The following CEP83 variants were observed in gnomAD, a reference collection of about 807,000 sequenced individuals.
The protein encoded by CEP83 is centrosomal protein 83.
CEP83 carries 70 observed loss-of-function variants against 101.9 expected under a neutral mutation model. The ratio of observed to expected loss-of-function variants is 0.69; its 90% CI spans 0.57 to 0.84. The LOEUF (loss-of-function observed/expected upper bound fraction) is 0.84, where lower values mean the gene tolerates loss of function less well. Among genes scored for constraint, CEP83 ranks in the 40% least tolerant of loss-of-function variants. The pLI is 0.00. For synonymous variants in CEP83, 264 were observed against 267.9 expected, an observed-to-expected ratio of 0.99 and a Z score of 0.14; for missense variants, 715 against 787.2, an observed-to-expected ratio of 0.91 and a Z score of 1.10.
At chr12:94,279,759 A>G in the CEP83 span, 2 of 962,004 alleles carry the variant, frequency 2.1e-6, no homozygotes, top group Non-Finnish European at 3.3e-6. Context: ...ATTCAGTGAC[A>G]CTTACACAGC....
chr12:94,292,790 C>T, the CEP83 span, among the ~76,000 whole-genome samples: 1 of 152,154 alleles, frequency 6.6e-6, no homozygotes, highest in Non-Finnish European at 1.5e-5. Context: ...GCCGAATTTT[C>T]CACTTGTGGC....
At chr12:94,266,584 C>T in the CEP83 span, among the ~76,000 whole-genome samples, 1 of 152,188 alleles carries the variant, frequency 6.6e-6, no homozygotes, top group African/African-American at 2.4e-5. Flanking sequence ...TGCTGCTTAA[C>T]AACTGTTGGT....
Position 94,335,785 on chromosome 12 carries a change from T to C in CEP83, c.1344-121A>G, listed in dbSNP as rs2059422016. ...ACCAGAGCACAAACACAACCAAAGA[T>C]TGAGACTTCAAGAAACTAGGTTGTG... On this transcript the variant is annotated intron_variant, in intron 11 of 16. Transcript: ENST00000397809. 15 of 672,840 alleles carry C rather than the reference T, an allele frequency of 2.2e-5. No homozygotes were observed. In the South Asian group the frequency reaches 2.5e-4, roughly 11 times the overall value. 41.7% of individuals were successfully genotyped at this position (672,840 alleles called of 1,614,324 possible).
chr12:94,358,893 T>C (rs2060608158), intron 11 of CEP83, among the ~76,000 whole-genome samples: 1 of 152,228 alleles, frequency 6.6e-6, no homozygotes, highest in Non-Finnish European at 1.5e-5. Flanking sequence ...TGCAGCAATG[T>C]AACATGTCCA....
At chr12:94,359,715 C>T (rs1177307981) in intron 11 of CEP83, among the ~76,000 whole-genome samples, 2 of 152,062 alleles carry the variant, frequency 1.3e-5, no homozygotes, top group African/African-American at 2.4e-5. Flanking sequence ...TAAAAAAGAA[C>T]TAATACTAAT....
At chr12:94,420,657 T>C (rs1489478626) in intron 2 of CEP83, among the ~76,000 whole-genome samples, 1 of 152,198 alleles carries the variant, frequency 6.6e-6, no homozygotes, top group East Asian at 1.9e-4. Context: ...AAGATAATTC[T>C]TCTTCCAGTG....
chr12:94,362,373 A>G (rs1161521560), intron 11 of CEP83, among the ~76,000 whole-genome samples: 1 of 152,200 alleles, frequency 6.6e-6, no homozygotes, highest in African/African-American at 2.4e-5. Flanking sequence ...TAATCTCAGT[A>G]CTTTGGGAGG....
rs763433431 is a variant in CEP83 at position 94,423,457 on chromosome 12, CT to C, written c.-101-10867del. ...GCTGCACCAGACCAATCTGGTTCAA[CT>C]TTTTTTTTTTTTTTTTGCAAAAGAA... On this transcript the variant is annotated intron_variant, in intron 2 of 16. Coordinates refer to ENST00000397809, the MANE Select transcript of CEP83 (RefSeq NM_016122.3). 7.2e-3 allele frequency among the ~76,000 whole-genome samples: 873 copies of C among 120,466 alleles called. 2 individuals carry two copies. Among genetic ancestry groups the C allele is most frequent in the Non-Finnish European group, 8.9e-3 (515 of 57,730 alleles). 79.0% of individuals were successfully genotyped at this position (120,466 alleles called of 152,430 possible).
At position 94,347,094 on chromosome 12, in the gene CEP83, T is replaced by TACAC. The variant is rs549488983; in HGVS notation, c.1344-11434_1344-11431dup. Among the ~76,000 whole-genome samples, 502 of 138,694 alleles carry TACAC rather than the reference T, an allele frequency of 3.6e-3. 2 individuals are homozygous for TACAC. The highest frequency in any genetic ancestry group is 7.5e-3 in the Middle Eastern group (2 of 268). 91.0% of individuals were successfully genotyped at this position (138,694 alleles called of 152,430 possible). On this transcript the variant is annotated intron_variant, in intron 11 of 16. Transcript: ENST00000397809. ...ACACATACACACACACACACACACATACACACACACACACATACACACACA... is the reference window on the plus strand; with the variant it reads ...ACACATACACACACACACACACACATACACACACACACACACACATACACACACA...
chr12:94,308,985 A>G, intron 16 of CEP83, 68 bp from the exon 17 acceptor site: 1 of 1,059,768 alleles, frequency 9.4e-7, no homozygotes. Flanking sequence ...GCAACCTTGG[A>G]CTGCCTCTTT....
the CEP83 span, among the ~76,000 whole-genome samples, chr12:94,275,690 A>G: frequency 7.8e-6 from 1 of 128,082 alleles, no homozygotes; most frequent in Non-Finnish European, 1.6e-5. Context: ...CGTCTCTACT[A>G]AAAAAATACA....
chr12:94,322,440 T>C (rs967201399), intron 14 of CEP83, among the ~76,000 whole-genome samples: 4 of 152,144 alleles, frequency 2.6e-5, no homozygotes, highest in African/African-American at 9.7e-5. Flanking sequence ...CTGGCCACTT[T>C]TTCATAGAGC....
At chr12:94,365,700 G>C (rs910826256) in intron 11 of CEP83, among the ~76,000 whole-genome samples, 7 of 151,474 alleles carry the variant, frequency 4.6e-5, no homozygotes, top group Admixed American at 2.0e-4. Flanking sequence ...AGAGGCAGAG[G>C]CGGAGGCTGC....
intron 6 of CEP83, among the ~76,000 whole-genome samples, chr12:94,396,688 G>C (rs2062921975): frequency 6.6e-6 from 1 of 152,024 alleles, no homozygotes; most frequent in African/African-American, 2.4e-5. Context: ...TATTCCTGGA[G>C]TCCCTCTCAG....
At chr12:94,406,286 T>C (rs1243829446) in intron 4 of CEP83, among the ~76,000 whole-genome samples, 1 of 151,794 alleles carries the variant, frequency 6.6e-6, no homozygotes, top group Non-Finnish European at 1.5e-5. Flanking sequence ...GATCACTCCA[T>C]TGCACTCCAG....
chr12:94,331,872 C>T (rs960366602), intron 13 of CEP83, 43 bp from the exon 14 acceptor site: 1 of 1,573,048 alleles, frequency 6.4e-7, no homozygotes, highest in African/African-American at 1.4e-5. Flanking sequence ...TAAATAAGTT[C>T]TTAGGATTAA....
chr12:94,303,721 G>T (rs1379839492), downstream of CEP83: 64 of 1,173,606 alleles, frequency 5.5e-5, no homozygotes, highest in South Asian at 2.4e-4. Context: ...TTACTCTTTT[G>T]GTGATGGTTG....
chr12:94,439,028 C>T (rs1192020613), intron 1 of CEP83, among the ~76,000 whole-genome samples: 2 of 152,060 alleles, frequency 1.3e-5, no homozygotes, highest in Admixed American at 6.5e-5. Context: ...AACAGTGGTG[C>T]TAAGAGGAAA....
chr12:94,427,470 G>C (rs1045881655), intron 2 of CEP83, among the ~76,000 whole-genome samples: 1 of 152,124 alleles, frequency 6.6e-6, no homozygotes, highest in Non-Finnish European at 1.5e-5. Context: ...TCACATCCAC[G>C]TGTCCTTCCT....
Sources: gnomAD v4.1 joint callset for allele counts (sites outside exome capture counted in the v4.1 genomes callset) on GRCh38, gnomAD v4.1.1 for gene constraint, MANE v1.5 for transcripts, NCBI Gene and HGNC (gene_info 2026-07-23, HGNC 2026-07-21) for gene names.